Variants in BCAR3 observed in about 807,000 individuals in gnomAD.
The protein encoded by BCAR3 is breast cancer anti-estrogen resistance protein 3.
BCAR3 carries 37 observed loss-of-function variants against 80.1 expected under a neutral mutation model. The ratio of observed to expected loss-of-function variants is 0.46; its 90% CI spans 0.36 to 0.61. The LOEUF is 0.61. Ranked by LOEUF, BCAR3 falls within the 20% of genes least tolerant of loss-of-function variation. The pLI, the probability that BCAR3 is intolerant of heterozygous loss-of-function variation, is 0.00. For synonymous variants in BCAR3, 389 were observed against 418.9 expected (o/e 0.93, Z 0.87); for missense variants, 978 against 1,068.2 (o/e 0.92, Z 1.18).
At chr1:93,837,162 A>G (rs1654801013) in intron 2 of BCAR3, among the ~76,000 whole-genome samples, 1 of 152,232 alleles carries the variant, frequency 6.6e-6, no homozygotes, top group Admixed American at 6.5e-5. Context: ...GGTTGCAGTG[A>G]GCTGAGACTG....
rs186663716 is a variant in BCAR3 at position 93,732,634 on chromosome 1, C to T, written c.-62-26492G>A. 9.2e-5 allele frequency among the ~76,000 whole-genome samples: 14 copies of T among 151,604 alleles called. No individual in the cohort carries two copies. The East Asian group carries it at 1.7e-3, about 19-fold the overall frequency. ...CTTGTCTCAAAAAAAGAAAAAAAAA[C>T]GAAAAGAAAAAGAAAAGAAAAGGAA... On this transcript the variant is annotated intron_variant, in intron 2 of 13. Coordinates refer to the BCAR3 transcript ENST00000370244.
intron 2 of BCAR3, among the ~76,000 whole-genome samples, chr1:93,715,736 T>A (rs572015192): frequency 6.6e-6 from 1 of 152,324 alleles, no homozygotes; most frequent in South Asian, 2.1e-4. Flanking sequence ...TTCCCTCACG[T>A]TATAGACAGA....
intron 2 of BCAR3, among the ~76,000 whole-genome samples, chr1:93,672,335 C>G (rs1458408256): frequency 2.0e-5 from 3 of 152,094 alleles, no homozygotes; most frequent in East Asian, 1.9e-4. Context: ...CACCCACCCC[C>G]CTAGTGTGGA....
At chr1:93,564,725 G>A (rs80042347) in intron 11 of BCAR3, among the ~76,000 whole-genome samples, 2,666 of 152,172 alleles carry the variant, frequency 0.018, 35 homozygotes, top group Non-Finnish European at 0.027. Flanking sequence ...TCACTTTTTT[G>A]CATATGGATA....
intron 3 of BCAR3, among the ~76,000 whole-genome samples, chr1:93,701,111 G>A (rs938898652): frequency 1.3e-5 from 2 of 152,350 alleles, no homozygotes; most frequent in African/African-American, 4.8e-5. Flanking sequence ...TAAAATGGGC[G>A]TAATGAGAAT....
intron 2 of BCAR3, among the ~76,000 whole-genome samples, chr1:93,795,754 TTTCTG>T (rs1404380121): frequency 5.2e-3 from 4 of 762 alleles, no homozygotes; most frequent in Admixed American, 0.062. Flanking sequence ...GTTTCCAGTT[TTTCTG>T]TTCTGTTTTT....
chr1:93,573,643 TTTTGAGACAGGG>T (rs1673327376), intron 8 of BCAR3, among the ~76,000 whole-genome samples: 2 of 149,540 alleles, frequency 1.3e-5, no homozygotes, highest in Admixed American at 6.7e-5. Flanking sequence ...ATTTTTTTTT[TTTTGAGACAGGG>T]TTTTGCTCTG....
chr1:93,809,775 T>TAAAAA (rs59236584), intron 2 of BCAR3, among the ~76,000 whole-genome samples: 1 of 55,532 alleles, frequency 1.8e-5, no homozygotes, highest in Admixed American at 2.2e-4. Context: ...CTCAAAAAGA[T>TAAAAA]AAAAAAAAAA....
chr1:93,847,297 CG>C (rs1450864504), upstream of BCAR3: 1 of 173,034 alleles, frequency 5.8e-6, no homozygotes. Flanking sequence ...CGGCTGGGCC[CG>C]GACCGTGAAG....
intron 2 of BCAR3, among the ~76,000 whole-genome samples, chr1:93,673,413 C>T (rs999257076): frequency 2.0e-5 from 3 of 152,328 alleles, no homozygotes; most frequent in Admixed American, 2.0e-4. Context: ...GCAGAATTTT[C>T]CTGGTAAGCC....
chr1:93,800,371 C>T (rs1209420524), intron 2 of BCAR3, among the ~76,000 whole-genome samples: 2 of 151,952 alleles, frequency 1.3e-5, no homozygotes, highest in East Asian at 1.9e-4. Context: ...GTCAGGAGTT[C>T]GAAACAAGCC....
chr1:93,784,341 A>G (rs975490219), intron 2 of BCAR3, among the ~76,000 whole-genome samples: 24 of 152,328 alleles, frequency 1.6e-4, no homozygotes, highest in African/African-American at 5.5e-4. Context: ...TGATGAGGTG[A>G]GGACAGGGAA....
In BCAR3 at chr1:93,575,063, G is replaced by A. The variant is rs1192290533; in HGVS notation, c.1802+951C>T. Among the ~76,000 whole-genome samples the A allele has an allele frequency of 2.6e-5, 4 of 151,484 alleles. No individual in the cohort carries two copies. In the South Asian group the frequency reaches 6.3e-4, roughly 24 times the overall value. ...ATCCCCCGAGAAGTGGCTTTTTACC[G>A]TGAAAACAGCAAATTCTAATTATAA... is the stretch of plus-strand genomic sequence containing the variant. On this transcript the variant is annotated intron_variant, in intron 8 of 11. Coordinates refer to ENST00000260502, the MANE Select transcript of BCAR3 (RefSeq NM_003567.4).
intron 2 of BCAR3, among the ~76,000 whole-genome samples, chr1:93,739,064 A>T (rs1327539968): frequency 1.3e-5 from 2 of 152,110 alleles, no homozygotes; most frequent in Admixed American, 6.5e-5. Flanking sequence ...GCTGGACAAT[A>T]CTGAACGTTT....
At chr1:93,841,217 A>C (rs1024172195) in intron 2 of BCAR3, among the ~76,000 whole-genome samples, 1 of 152,172 alleles carries the variant, frequency 6.6e-6, no homozygotes, top group African/African-American at 2.4e-5. Flanking sequence ...TCTCAGCTGT[A>C]TCTCTTAAGT....
chr1:93,647,457 G>A (rs892927881), intron 2 of BCAR3, among the ~76,000 whole-genome samples: 35 of 152,168 alleles, frequency 2.3e-4, no homozygotes, highest in African/African-American at 7.5e-4. Context: ...GTTTAAACAA[G>A]CTTTATTTAA....
chr1:93,832,004 G>A (rs577556954), intron 2 of BCAR3, among the ~76,000 whole-genome samples: 21 of 152,164 alleles, frequency 1.4e-4, no homozygotes, highest in Non-Finnish European at 2.4e-4. Context: ...ACAACCCTTA[G>A]ATGCTTTACC....
At chr1:93,790,651 A>ATT (rs1553172483) in intron 2 of BCAR3, among the ~76,000 whole-genome samples, 6,410 of 81,836 alleles carry the variant, frequency 0.078, 176 homozygotes, top group East Asian at 0.19. Context: ...TTTTTTCTTA[A>ATT]TTTTTTTTTT....
At chr1:93,622,053 G>A (rs992048919) in intron 3 of BCAR3, among the ~76,000 whole-genome samples, 1 of 152,040 alleles carries the variant, frequency 6.6e-6, no homozygotes, top group Non-Finnish European at 1.5e-5. Context: ...TGTATTTTTA[G>A]TAGAGATGGG....
Sources: gnomAD v4.1 joint callset for allele counts (sites outside exome capture counted in the v4.1 genomes callset) on GRCh38, gnomAD v4.1.1 for gene constraint, MANE v1.5 for transcripts, NCBI Gene and HGNC (gene_info 2026-07-23, HGNC 2026-07-21) for gene names.